DOCK1: variants seen among roughly 807,000 people sequenced by gnomAD.
DOCK1 encodes the protein dedicator of cytokinesis 1, also known as dedicator of cytokinesis protein 1.
In DOCK1, 138 loss-of-function variants were observed where a neutral mutation model predicts 262.7. That is an observed-to-expected ratio of 0.53 (90% CI 0.46 to 0.61). The LOEUF is 0.61. Among genes scored for constraint, DOCK1 ranks in the 20% least tolerant of loss-of-function variants. The pLI, the probability that DOCK1 is intolerant of heterozygous loss-of-function variation, is 0.00. For missense variants in DOCK1, 1,908 were observed against 2,370.7 expected, an observed-to-expected ratio of 0.80 and a Z score of 4.05; for synonymous variants, 866 against 867.4, an observed-to-expected ratio of 1.00 and a Z score of 0.03.
At chr10:127,313,589 G>C (rs759403844) in intron 29 of DOCK1, among the ~76,000 whole-genome samples, 1 of 152,130 alleles carries the variant, frequency 6.6e-6, no homozygotes, top group African/African-American at 2.4e-5. Context: ...CCCTTCAGGG[G>C]GCTTACTGCA....
At chr10:127,103,234 C>T (rs1055781672) in intron 23 of DOCK1, among the ~76,000 whole-genome samples, 2 of 152,176 alleles carry the variant, frequency 1.3e-5, no homozygotes, top group South Asian at 2.1e-4. Flanking sequence ...CTGCTAGAGA[C>T]GTCCACATAA....
rs963763567 is a variant in DOCK1 at position 127,184,783 on chromosome 10, T to C, written c.2847+57019T>C. 3.9e-5 allele frequency among the ~76,000 whole-genome samples: 6 copies of C among 152,282 alleles called. No homozygotes were observed. The East Asian group carries it at 1.2e-3, about 30-fold the overall frequency. On this transcript the variant is annotated intron_variant, in intron 27 of 51. Coordinates refer to ENST00000623213, the MANE Select transcript of DOCK1 (RefSeq NM_001290223.2). ...TTCATTTTCCAGGACCGCGCCCTGG[T>C]CCTCCTTCCTCATGGATAGTCTGTG...
chr10:127,116,327 C>G (rs1307311733), intron 25 of DOCK1, among the ~76,000 whole-genome samples: 1 of 151,966 alleles, frequency 6.6e-6, no homozygotes, highest in Non-Finnish European at 1.5e-5. Flanking sequence ...AATTATTTTC[C>G]TTATTCTTAT....
intron 33 of DOCK1, among the ~76,000 whole-genome samples, chr10:127,366,164 G>A (rs2064894623): frequency 6.6e-6 from 1 of 151,854 alleles, no homozygotes; most frequent in Non-Finnish European, 1.5e-5. Context: ...GTTTCTCTGT[G>A]TTGTCATCTG....
chr10:127,140,883 C>A (rs1045428585), intron 27 of DOCK1, among the ~76,000 whole-genome samples: 5 of 152,228 alleles, frequency 3.3e-5, no homozygotes, highest in Non-Finnish European at 7.3e-5. Flanking sequence ...GCCCTGCACA[C>A]AGACCTCCCT....
intron 27 of DOCK1, among the ~76,000 whole-genome samples, chr10:127,198,743 T>C (rs2057327017): frequency 2.5e-5 from 1 of 39,350 alleles, no homozygotes. Context: ...TGGCATCGCT[T>C]CTTTTTTTTT....
chr10:127,236,792 T>C (rs977761346), intron 27 of DOCK1, among the ~76,000 whole-genome samples: 5 of 152,102 alleles, frequency 3.3e-5, no homozygotes, highest in Non-Finnish European at 5.9e-5. Flanking sequence ...ACCATCATCA[T>C]CACCACCATT....
intron 27 of DOCK1, among the ~76,000 whole-genome samples, chr10:127,245,673 C>T (rs113500024): frequency 9.2e-5 from 14 of 152,346 alleles, no homozygotes; most frequent in East Asian, 7.7e-4. Context: ...AGTATGTCCA[C>T]GTCACCTGTT....
intron 29 of DOCK1, among the ~76,000 whole-genome samples, chr10:127,264,030 G>A (rs2060269241): frequency 1.3e-5 from 2 of 152,166 alleles, no homozygotes; most frequent in South Asian, 2.1e-4. Flanking sequence ...CTTGAGAAAG[G>A]CATTTCTACA....
chr10:127,400,464 TG>T (rs1337286654), intron 38 of DOCK1, among the ~76,000 whole-genome samples: 3 of 152,014 alleles, frequency 2.0e-5, no homozygotes, highest in African/African-American at 4.8e-5. Flanking sequence ...TGGCAGGAGG[TG>T]GGGAAGCAGC....
At position 126,995,205 on chromosome 10, in the gene DOCK1, C is replaced by G. The variant is rs184729712; in HGVS notation, c.474-1543C>G. 6.6e-6 allele frequency among the ~76,000 whole-genome samples: 1 copy of G among 151,688 alleles called. No individual in the cohort carries two copies. Among genetic ancestry groups the G allele is most frequent in the African/African-American group, 2.4e-5 (1 of 41,200 alleles). ...CTCCTCACTTCCCAGACTGGGTGGC[C>G]GGGCAGACACGCTCCTCACTTCCCA... On this transcript the variant is annotated intron_variant, in intron 6 of 51. Transcript: ENST00000623213. The surrounding 1 kb of genome is among the most constrained non-coding windows in gnomAD (Gnocchi z 5.8).
At chr10:127,039,415 G>C (rs1341649384) in intron 19 of DOCK1, among the ~76,000 whole-genome samples, 1 of 152,224 alleles carries the variant, frequency 6.6e-6, no homozygotes, top group African/African-American at 2.4e-5. Flanking sequence ...TTACCTGGAA[G>C]AATGTAGAAT....
Position 126,938,496 on chromosome 10 carries a change from T to C in DOCK1, c.47-32206T>C, listed in dbSNP as rs1027518354. Among the ~76,000 whole-genome samples, 12 of 152,378 alleles carry C rather than the reference T, an allele frequency of 7.9e-5. No individual in the cohort carries two copies. In the South Asian group the frequency reaches 1.7e-3, roughly 21 times the overall value. ...TATTTCCGGGCTCTCTATTCTCTTC[T>C]ATTGGTCTCTGTATATCTGTCTTTA... On this transcript the variant is annotated intron_variant, in intron 1 of 51. Transcript: ENST00000623213.
At chr10:127,174,508 A>G (rs963128698) in intron 27 of DOCK1, among the ~76,000 whole-genome samples, 7 of 152,212 alleles carry the variant, frequency 4.6e-5, no homozygotes, top group African/African-American at 1.7e-4. Flanking sequence ...ATGAAGTGCA[A>G]GATGGTCTTA....
intron 27 of DOCK1, among the ~76,000 whole-genome samples, chr10:127,218,983 C>T (rs1019751399): frequency 6.6e-6 from 1 of 152,122 alleles, no homozygotes; most frequent in African/African-American, 2.4e-5. Context: ...TAAGTGAAAC[C>T]TCTTTTTTAA....
intron 50 of DOCK1, among the ~76,000 whole-genome samples, chr10:127,447,088 A>C (rs1017075848): frequency 2.0e-5 from 3 of 152,114 alleles, no homozygotes; most frequent in Non-Finnish European, 4.4e-5. Flanking sequence ...GGGCCCGAGC[A>C]GGGACAGAAG....
At chr10:127,202,094 G>T (rs955664328) in intron 27 of DOCK1, among the ~76,000 whole-genome samples, 5 of 152,226 alleles carry the variant, frequency 3.3e-5, no homozygotes, top group African/African-American at 1.2e-4. Context: ...AGGCCAAGGC[G>T]GGCAGATTGC....
intron 27 of DOCK1, among the ~76,000 whole-genome samples, chr10:127,146,375 T>C (rs1317269826): frequency 6.6e-6 from 1 of 152,198 alleles, no homozygotes; most frequent in Non-Finnish European, 1.5e-5. Flanking sequence ...TGCTAAACAT[T>C]AGTAAAAATG....
chr10:127,433,505 G>A (rs2069445948), intron 48 of DOCK1, 77 bp downstream of exon 48: 1 of 1,501,956 alleles, frequency 6.7e-7, no homozygotes, highest in Admixed American at 2.2e-5. Context: ...CAGGGCTCTG[G>A]GTTTATTTTC....
Sources: gnomAD v4.1 joint callset for allele counts (sites outside exome capture counted in the v4.1 genomes callset) on GRCh38, gnomAD v4.1.1 for gene constraint, Gnocchi (gnomAD v3.1) non-coding constraint, MANE v1.5 for transcripts, NCBI Gene and HGNC (gene_info 2026-07-23, HGNC 2026-07-21) for gene names.